SMO: variants seen among roughly 807,000 people sequenced by gnomAD.
SMO encodes smoothened, frizzled class receptor.
In SMO, 40 loss-of-function variants were observed where a neutral mutation model predicts 81.6. The observed-to-expected ratio is 0.49, with a 90% CI of 0.38 to 0.64. The LOEUF (loss-of-function observed/expected upper bound fraction) is 0.64. Among genes scored for constraint, SMO ranks in the 30% least tolerant of loss-of-function variants. SMO has a pLI of 0.00. For missense variants in SMO, 916 were observed against 1,061.1 expected (o/e 0.86, Z 1.90); for synonymous variants, 434 against 432.1 (o/e 1.00, Z -0.05).
intron 1 of SMO, among the ~76,000 whole-genome samples, chr7:129,199,815 C>A (rs145996182): frequency 1.3e-5 from 2 of 152,068 alleles, no homozygotes; most frequent in East Asian, 3.9e-4. Context: ...TAAACTACAA[C>A]GAAATATTCT....
At chr7:129,204,747 G>T (rs1363717807) in intron 2 of SMO, among the ~76,000 whole-genome samples, 1 of 152,166 alleles carries the variant, frequency 6.6e-6, no homozygotes, top group Admixed American at 6.5e-5. Context: ...GCCGGGCGCA[G>T]TGGCTCACGC....
At chr7:129,204,950 G>C (rs528381172) in intron 2 of SMO, among the ~76,000 whole-genome samples, 7 of 152,100 alleles carry the variant, frequency 4.6e-5, no homozygotes, top group African/African-American at 1.4e-4. Context: ...GTTGCAGTGA[G>C]CTGAGATCAC....
rs1793433356 is a variant in SMO at position 129,188,732 on chromosome 7, G to C, written c.-420G>C. On this transcript the variant is annotated 5_prime_UTR_variant, in exon 1 of 12. Transcript: ENST00000249373. The surrounding 1 kb of genome is among the most constrained non-coding windows in gnomAD (Gnocchi z 4.9). ...GCGCTGGGGCGAAGGTGGCTGCTGG[G>C]CCGCGGGCTGGCGCGGGGGCGGAGC... 1 of 197,358 alleles carries C rather than the reference G, an allele frequency of 5.1e-6. No individual in the cohort carries two copies. The highest frequency in any genetic ancestry group is 1.0e-5 in the Non-Finnish European group (1 of 95,566). 12.2% of individuals were successfully genotyped at this position (197,358 alleles called of 1,614,324 possible). A position where few individuals can be genotyped will look rare whatever the true frequency, so the allele number is the denominator to read the frequency against.
chr7:129,209,518 T>C, intron 8 of SMO, 121 bp downstream of exon 8: 3 of 654,734 alleles, frequency 4.6e-6, no homozygotes, highest in Non-Finnish European at 8.3e-6. Flanking sequence ...GCAGATTCAA[T>C]GGATGGTGTC....
At position 129,213,006 on chromosome 7, in the gene SMO, C is replaced by T; in HGVS notation, c.*555C>T. 1 of 264,568 alleles carries T rather than the reference C, an allele frequency of 3.8e-6. No homozygotes were observed. Among genetic ancestry groups the T allele is most frequent in the Non-Finnish European group, 7.2e-6 (1 of 138,650 alleles). 16.4% of individuals were successfully genotyped at this position (264,568 alleles called of 1,614,324 possible). A position where few individuals can be genotyped will look rare whatever the true frequency, so the allele number is the denominator to read the frequency against. On this transcript the variant is annotated 3_prime_UTR_variant, in exon 12 of 12. Coordinates refer to ENST00000249373, the MANE Select transcript of SMO (RefSeq NM_005631.5). ...CTGGAAGGACCTGCTCCCACAGGGG[C>T]CATGTCCTCTCTTAATAGGTGGCAC...
In SMO at chr7:129,189,065, G is replaced by C; in HGVS notation, c.-87G>C. On this transcript the variant is annotated 5_prime_UTR_variant, in exon 1 of 12. Transcript: ENST00000249373. This position sits in a 1 kb window ranked among gnomAD's most constrained non-coding sequence, Gnocchi z 4.7. The stretch of plus-strand genomic sequence containing the variant: ...CGCACAGGTCGCCTGAGCCGCCTCC[G>C]CGGCCGCCGAGGTCGTGCGTGTGGC... 8.5e-7 allele frequency: 1 copy of C among 1,175,426 alleles called. No homozygotes were observed. The allele number at this position is 1,175,426 out of a possible 1,614,324, so 72.8% of individuals were successfully genotyped here. A position where few individuals can be genotyped will look rare whatever the true frequency, so the allele number is the denominator to read the frequency against.
intron 1 of SMO, among the ~76,000 whole-genome samples, chr7:129,198,632 G>C (rs1429788369): frequency 6.6e-6 from 1 of 152,210 alleles, no homozygotes; most frequent in African/African-American, 2.4e-5. Flanking sequence ...CATTTTTACT[G>C]TAGCCTTTCA....
chr7:129,189,055 AGCCGCCTCCGCG>A lies in SMO; in HGVS notation c.-90_-79del, dbSNP rs1793440628. ...ATTCTCTGGGCGCACAGGTCGCCTG[AGCCGCCTCCGCG>A]GCCGCCGAGGTCGTGCGTGTGGCCG... On this transcript the variant is annotated 5_prime_UTR_variant, in exon 1 of 12. Transcript: ENST00000249373. The surrounding 1 kb of genome is among the most constrained non-coding windows in gnomAD (Gnocchi z 4.7). 8.9e-7 allele frequency: 1 copy of A among 1,119,758 alleles called. No homozygotes were observed. Among genetic ancestry groups the A allele is most frequent in the African/African-American group, 1.6e-5 (1 of 61,732 alleles). 69.4% of individuals were successfully genotyped at this position (1,119,758 alleles called of 1,614,324 possible).
chr7:129,199,895 T>A (rs944889927), intron 1 of SMO, among the ~76,000 whole-genome samples: 4 of 152,260 alleles, frequency 2.6e-5, no homozygotes, highest in African/African-American at 9.6e-5. Context: ...ATCTGTTATT[T>A]GTCTTTCGCC....
intron 1 of SMO, among the ~76,000 whole-genome samples, chr7:129,195,870 G>A (rs998705731): frequency 6.6e-6 from 1 of 152,062 alleles, no homozygotes; most frequent in African/African-American, 2.4e-5. Context: ...GGGAGGTCAA[G>A]GTGGGCAGAT....
At chr7:129,195,895 G>GA (rs958214395) in intron 1 of SMO, among the ~76,000 whole-genome samples, 3 of 151,852 alleles carry the variant, frequency 2.0e-5, no homozygotes, top group Non-Finnish European at 2.9e-5. Context: ...AGGTCAGGAA[G>GA]TCGAGACCAT....
chr7:129,198,981 A>G (rs1793623669), intron 1 of SMO, among the ~76,000 whole-genome samples: 1 of 152,174 alleles, frequency 6.6e-6, no homozygotes, highest in African/African-American at 2.4e-5. Context: ...AGCTGTTTCT[A>G]CTTTTTTGCT....
At position 129,210,703 on chromosome 7, in the gene SMO, T is replaced by TGCCTGG. The variant is rs1052523870; in HGVS notation, c.1652+171_1652+176dup. Among the ~76,000 whole-genome samples, 7 of 152,376 alleles carry TGCCTGG rather than the reference T, an allele frequency of 4.6e-5. No individual in the cohort carries two copies. Among genetic ancestry groups the TGCCTGG allele is most frequent in the Admixed American group, 2.0e-4 (3 of 15,306 alleles). On this transcript the variant is annotated intron_variant, in intron 9 of 11. Coordinates refer to ENST00000249373, the MANE Select transcript of SMO (RefSeq NM_005631.5). The surrounding 1 kb of genome is among the most constrained non-coding windows in gnomAD (Gnocchi z 4.7). ...CACCTTCTGTCCTTGGGTGGCCTGA[T>TGCCTGG]GCCTGGGCCTGGGCCTGGGCCAAGG...
At chr7:129,203,714 T>A in intron 2 of SMO, 125 bp downstream of exon 2, 1 of 693,728 alleles carries the variant, frequency 1.4e-6, no homozygotes. Context: ...CCTACAGCCA[T>A]GGGGTCAACA....
In SMO at chr7:129,206,377, G is replaced by A. The variant is rs140625545; in HGVS notation, c.1140+8G>A. The A allele has an allele frequency of 6.2e-7, 1 of 1,614,162 alleles. No individual in the cohort carries two copies. Among genetic ancestry groups the A allele is most frequent in the Non-Finnish European group, 8.5e-7 (1 of 1,179,996 alleles). On this transcript the variant is annotated splice_region_variant and intron_variant, in intron 5 of 11. Transcript: ENST00000249373. This position sits in a 1 kb window ranked among gnomAD's most constrained non-coding sequence, Gnocchi z 4.4. ...ATCCTTGCTGTGGCGCAGGTATAGTGACTGGTAGGAACGGGAGACCTGGAT... is the reference window on the plus strand; with the variant it reads ...ATCCTTGCTGTGGCGCAGGTATAGTAACTGGTAGGAACGGGAGACCTGGAT...
At chr7:129,194,989 G>A (rs1035488396) in intron 1 of SMO, among the ~76,000 whole-genome samples, 1 of 152,090 alleles carries the variant, frequency 6.6e-6, no homozygotes, top group African/African-American at 2.4e-5. Context: ...TGCCATGTTG[G>A]TCAGGCTGGC....
At chr7:129,201,450 A>ATTGAC (rs1295625839) in intron 1 of SMO, among the ~76,000 whole-genome samples, 1 of 152,148 alleles carries the variant, frequency 6.6e-6, no homozygotes, top group Non-Finnish European at 1.5e-5. Context: ...ATCCAGTAAA[A>ATTGAC]TTGACTTTTT....
At chr7:129,195,072 C>A (rs1368972875) in intron 1 of SMO, among the ~76,000 whole-genome samples, 2 of 152,218 alleles carry the variant, frequency 1.3e-5, no homozygotes, top group African/African-American at 4.8e-5. Flanking sequence ...AATAATATTC[C>A]ATTATATGAG....
rs1180488960 is a variant in SMO at position 129,193,551 on chromosome 7, G to A, written c.331+4069G>A. On this transcript the variant is annotated intron_variant, in intron 1 of 11. Transcript: ENST00000249373. ...AGGTGGGCGGATCACGAGGTCAGGAGATCGAGACCATCCCGGCAAACAGGG... is the reference window on the plus strand; with the variant it reads ...AGGTGGGCGGATCACGAGGTCAGGAAATCGAGACCATCCCGGCAAACAGGG... Among the ~76,000 whole-genome samples, 4 of 151,242 alleles carry A rather than the reference G, an allele frequency of 2.6e-5. No individual in the cohort carries two copies. In the East Asian group the frequency reaches 5.8e-4, roughly 22 times the overall value.
Sources: gnomAD v4.1 joint callset for allele counts (sites outside exome capture counted in the v4.1 genomes callset) on GRCh38, gnomAD v4.1.1 for gene constraint, Gnocchi (gnomAD v3.1) non-coding constraint, MANE v1.5 for transcripts, NCBI Gene and HGNC (gene_info 2026-07-23, HGNC 2026-07-21) for gene names.